The following ROBO1 variants were observed in gnomAD, a reference collection of about 807,000 sequenced individuals.
ROBO1 encodes roundabout guidance receptor 1, also known as roundabout homolog 1.
ROBO1 carries 149 observed loss-of-function variants against 195.9 expected under a neutral mutation model. The observed-to-expected ratio is 0.76, with a 90% CI of 0.67 to 0.87. The LOEUF is 0.87. Ranked by LOEUF, ROBO1 falls within the 40% of genes least tolerant of loss-of-function variation. The pLI is 0.00. For missense variants in ROBO1, 1,933 were observed against 2,068.3 expected, an observed-to-expected ratio of 0.93 and a Z score of 1.27; for synonymous variants, 816 against 733.2, an observed-to-expected ratio of 1.11 and a Z score of -1.82.
Position 78,597,356 on chromosome 3 carries a change from A to ACAT in ROBO1, c.*1554_*1556dup, listed in dbSNP as rs1417879121. On this transcript the variant is annotated 3_prime_UTR_variant, in exon 31 of 31. Coordinates refer to ENST00000464233, the MANE Select transcript of ROBO1 (RefSeq NM_002941.4). ...GGCTTCTTACATGAACATAATGAAA[A>ACAT]CATTAATCACATGGATTGTTCCCTT... 1 of 152,592 alleles carries ACAT rather than the reference A, an allele frequency of 6.6e-6. No homozygotes were observed. The highest frequency in any genetic ancestry group is 1.5e-5 in the Non-Finnish European group (1 of 68,004). 9.5% of individuals were successfully genotyped at this position (152,592 alleles called of 1,614,324 possible).
chr3:78,850,161 A>G (rs2033961667), intron 4 of ROBO1, among the ~76,000 whole-genome samples: 1 of 152,116 alleles, frequency 6.6e-6, no homozygotes. Context: ...GAAAACCACA[A>G]CATCACTGGA....
chr3:79,255,034 T>A (rs2082803612), intron 2 of ROBO1, among the ~76,000 whole-genome samples: 1 of 152,064 alleles, frequency 6.6e-6, no homozygotes, highest in African/African-American at 2.4e-5. Context: ...CAAATAGAAG[T>A]TGAAAAAAGT....
intron 3 of ROBO1, among the ~76,000 whole-genome samples, chr3:79,000,113 T>C (rs1422018889): frequency 2.0e-5 from 3 of 152,126 alleles, no homozygotes; most frequent in East Asian, 1.9e-4. Flanking sequence ...AGAGGTTTAA[T>C]GGATTCACAG....
chr3:79,388,264 A>T (rs1003546311), intron 2 of ROBO1, among the ~76,000 whole-genome samples: 2 of 152,156 alleles, frequency 1.3e-5, no homozygotes, highest in Admixed American at 1.3e-4. Context: ...GGAACATTCA[A>T]TATTTATGCA....
chr3:78,664,553 T>G (rs1262912453), intron 14 of ROBO1, among the ~76,000 whole-genome samples: 2 of 152,168 alleles, frequency 1.3e-5, no homozygotes, highest in Non-Finnish European at 2.9e-5. Flanking sequence ...GAAAGCACAC[T>G]TTGATTACCA....
intron 3 of ROBO1, among the ~76,000 whole-genome samples, chr3:79,096,292 G>A (rs1053029055): frequency 1.3e-5 from 2 of 151,926 alleles, no homozygotes; most frequent in Non-Finnish European, 2.9e-5. Context: ...TATGGTCTTA[G>A]ATTTGAGTAG....
intron 2 of ROBO1, among the ~76,000 whole-genome samples, chr3:79,373,424 G>A (rs1472830594): frequency 1.3e-5 from 2 of 152,084 alleles, no homozygotes; most frequent in African/African-American, 4.8e-5. Context: ...AGACTTTGAA[G>A]ACTGCCCTAA....
chr3:79,403,762 GA>G (rs952533495), intron 2 of ROBO1, among the ~76,000 whole-genome samples: 29 of 151,198 alleles, frequency 1.9e-4, no homozygotes, highest in African/African-American at 6.1e-4. Flanking sequence ...AAAACAAAAA[GA>G]AAAAAAATGA....
Position 78,788,426 on chromosome 3 carries a change from C to CTT in ROBO1, c.500-41528_500-41527dup, listed in dbSNP as rs373965044. Among the ~76,000 whole-genome samples the CTT allele has an allele frequency of 3.0e-3, 218 of 73,842 alleles. 1 individual carries two copies. Among genetic ancestry groups the CTT allele is most frequent in the East Asian group, 6.5e-3 (14 of 2,170 alleles). The allele number at this position is 73,842 out of a possible 152,430, so 48.4% of individuals were successfully genotyped here. On this transcript the variant is annotated intron_variant, in intron 4 of 30. Coordinates refer to ENST00000464233, the MANE Select transcript of ROBO1 (RefSeq NM_002941.4). ...AGCCACCGCTCCCAGCCTCTCTTTT[C>CTT]TTTTTTTTTTTTTTAAAAAAAAAAA... is the stretch of plus-strand genomic sequence containing the variant.
chr3:78,939,617 CAAAAAAAA>C (rs970037876), intron 3 of ROBO1, among the ~76,000 whole-genome samples: 1 of 117,552 alleles, frequency 8.5e-6, no homozygotes, highest in African/African-American at 3.4e-5. Context: ...GACTCTGCCT[CAAAAAAAA>C]AAGAAAAAAG....
chr3:79,025,161 G>A (rs1259112311), intron 3 of ROBO1, among the ~76,000 whole-genome samples: 1 of 152,018 alleles, frequency 6.6e-6, no homozygotes, highest in Non-Finnish European at 1.5e-5. Flanking sequence ...ACAGCCTCCT[G>A]CCTCAAGGAA....
At chr3:79,384,721 T>C (rs1229402910) in intron 2 of ROBO1, among the ~76,000 whole-genome samples, 1 of 152,010 alleles carries the variant, frequency 6.6e-6, no homozygotes, top group African/African-American at 2.4e-5. Flanking sequence ...CTGTTTATGT[T>C]ATAGGAAGTT....
chr3:79,105,684 A>T (rs1002327082), intron 3 of ROBO1, among the ~76,000 whole-genome samples: 1 of 151,790 alleles, frequency 6.6e-6, no homozygotes, highest in African/African-American at 2.4e-5. Flanking sequence ...GCATTGTTGC[A>T]AACAAAGATA....
At chr3:79,605,871 C>T (rs1944464628) in intron 1 of ROBO1, among the ~76,000 whole-genome samples, 1 of 151,848 alleles carries the variant, frequency 6.6e-6, no homozygotes, top group Admixed American at 6.6e-5. Context: ...TCCATCTCTC[C>T]ACTCTTCAAG....
At chr3:79,070,610 T>G (rs1477828464) in intron 3 of ROBO1, among the ~76,000 whole-genome samples, 1 of 151,874 alleles carries the variant, frequency 6.6e-6, no homozygotes, top group Non-Finnish European at 1.5e-5. Flanking sequence ...ATCTCTTTTT[T>G]GTGGGAAGTA....
At chr3:79,344,778 TC>T (rs1457443379) in intron 2 of ROBO1, among the ~76,000 whole-genome samples, 2 of 152,040 alleles carry the variant, frequency 1.3e-5, no homozygotes, top group African/African-American at 4.8e-5. Flanking sequence ...TTAAATCTCA[TC>T]CCCAGTTGTA....
intron 2 of ROBO1, among the ~76,000 whole-genome samples, chr3:79,145,252 T>A (rs907128137): frequency 6.6e-6 from 1 of 151,300 alleles, no homozygotes; most frequent in Non-Finnish European, 1.5e-5. Context: ...AATATCAGAG[T>A]AATAGGTAGT....
At chr3:78,916,471 G>T (rs1576395041) in intron 4 of ROBO1, among the ~76,000 whole-genome samples, 1 of 148,826 alleles carries the variant, frequency 6.7e-6, no homozygotes, top group East Asian at 2.0e-4. Context: ...AGAATTGCTT[G>T]AACCTGGGAG....
At chr3:79,118,377 C>G (rs961300112) in intron 3 of ROBO1, among the ~76,000 whole-genome samples, 3 of 152,012 alleles carry the variant, frequency 2.0e-5, no homozygotes, top group African/African-American at 7.2e-5. Context: ...ACTACTGTAG[C>G]TGCTACAACC....
Sources: allele counts gnomAD v4.1 joint callset (sites outside exome capture counted in the v4.1 genomes callset), GRCh38; gene constraint gnomAD v4.1.1; transcripts MANE v1.5; gene names NCBI Gene and HGNC (gene_info 2026-07-23, HGNC 2026-07-21).